CYFIP1: variants seen among roughly 807,000 people sequenced by gnomAD.
CYFIP1 encodes cytoplasmic FMR1 interacting protein 1, also known as cytoplasmic FMR1-interacting protein 1.
A neutral mutation model predicts 163.5 loss-of-function variants in CYFIP1; 58 were observed. The ratio of observed to expected loss-of-function variants is 0.35; its 90% CI spans 0.29 to 0.44. The LOEUF (loss-of-function observed/expected upper bound fraction) is 0.44. Ranked by LOEUF, CYFIP1 falls within the 20% of genes least tolerant of loss-of-function variation. CYFIP1 has a pLI of 1.00. For missense variants in CYFIP1, 1,338 were observed against 1,653.8 expected (o/e 0.81, Z 3.31); for synonymous variants, 663 against 660.7 (o/e 1.00, Z -0.05).
intron 29 of CYFIP1, 141 bp from the exon 30 acceptor site, chr15:22,873,113 G>A: frequency 1.1e-6 from 1 of 910,632 alleles, no homozygotes; most frequent in Non-Finnish European, 1.5e-6. Flanking sequence ...GCCAGGAAGA[G>A]AATGCCGGGC....
chr15:22,928,339 C>T (rs1398103092), intron 11 of CYFIP1, among the ~76,000 whole-genome samples: 1 of 152,036 alleles, frequency 6.6e-6, no homozygotes, highest in Non-Finnish European at 1.5e-5. Flanking sequence ...GCCGACACTG[C>T]GCCACTGCAC....
chr15:22,951,430 TG>T (rs2062245817), intron 1 of CYFIP1: 9 of 1,289,336 alleles, frequency 7.0e-6, no homozygotes, highest in Admixed American at 2.3e-5. Context: ...AGAGCCAGCA[TG>T]GGGGGCCTGC....
intron 11 of CYFIP1, among the ~76,000 whole-genome samples, chr15:22,928,341 C>A (rs572321508): frequency 1.3e-5 from 2 of 152,178 alleles, no homozygotes; most frequent in South Asian, 4.1e-4. Flanking sequence ...CGACACTGCG[C>A]CACTGCACTC....
chr15:22,908,645 C>T (rs2060672667), intron 21 of CYFIP1, among the ~76,000 whole-genome samples: 1 of 147,884 alleles, frequency 6.8e-6, no homozygotes, highest in Admixed American at 6.9e-5. Context: ...TCTCCTGCCT[C>T]AGCTTCCGGA....
In CYFIP1 at chr15:22,910,349, A is replaced by G. The variant is rs376342150; in HGVS notation, c.2268+171T>C. Among the ~76,000 whole-genome samples, 6 of 152,068 alleles carry G rather than the reference A, an allele frequency of 3.9e-5. No individual in the cohort carries two copies. In the East Asian group the frequency reaches 9.6e-4, roughly 24 times the overall value. ...GCTAATTTTTGTATTTTTAGTAGAG[A>G]TGGGGTTTTGCTATGTTGGCCAGGC... On this transcript the variant is annotated intron_variant, in intron 20 of 30. Transcript: ENST00000617928.
rs1397333387 is a variant in CYFIP1 at position 22,910,545 on chromosome 15, G to A, written c.2243C>T (p.Thr748Met). The A allele has an allele frequency of 2.5e-6, 4 of 1,613,900 alleles. No individual in the cohort carries two copies. Among genetic ancestry groups the A allele is most frequent in the Non-Finnish European group, 3.4e-6 (4 of 1,179,886 alleles). Residue 748 changes from threonine to methionine, a missense_variant, in exon 20 of 31, where the codon ACG becomes ATG. Around this residue, in one of 4 missense-constraint regions of CYFIP1, gnomAD observed 824 missense variants for 995.7 expected, o/e 0.83. Transcript: ENST00000617928. ...IHLPPSNRYETLLKQRHVQLL... is the reference protein window; with the variant it reads ...IHLPPSNRYEMLLKQRHVQLL... ...CTGCACATGCCTCTGCTTCAGCAGCGTCTCGTAGCGGTTAGACGGCGGGAG... is the reference window on the plus strand; with the variant it reads ...CTGCACATGCCTCTGCTTCAGCAGCATCTCGTAGCGGTTAGACGGCGGGAG...
intron 26 of CYFIP1, among the ~76,000 whole-genome samples, chr15:22,878,903 A>G (rs1357784037): frequency 2.6e-5 from 4 of 152,128 alleles, no homozygotes; most frequent in Admixed American, 2.0e-4. Context: ...TTGGGAGACC[A>G]AGGCGGGTGG....
chr15:22,928,721 C>T (rs1332337803), intron 11 of CYFIP1, among the ~76,000 whole-genome samples: 1 of 152,190 alleles, frequency 6.6e-6, no homozygotes, highest in Non-Finnish European at 1.5e-5. Flanking sequence ...AGGCAGGCTT[C>T]TTTGAATATA....
chr15:22,947,680 A>G (rs2062106766), intron 1 of CYFIP1, among the ~76,000 whole-genome samples: 1 of 152,100 alleles, frequency 6.6e-6, no homozygotes, highest in South Asian at 2.1e-4. Flanking sequence ...CTCCAATGCC[A>G]CATCTGCCCA....
At chr15:22,962,560 G>A (rs907763711) in intron 1 of CYFIP1, among the ~76,000 whole-genome samples, 6 of 151,706 alleles carry the variant, frequency 4.0e-5, no homozygotes, top group Admixed American at 3.3e-4. Flanking sequence ...CACCATGCCC[G>A]GCTAAATTTT....
chr15:22,925,650 A>G (rs1266667675), intron 13 of CYFIP1, among the ~76,000 whole-genome samples: 2 of 152,166 alleles, frequency 1.3e-5, no homozygotes, highest in Non-Finnish European at 2.9e-5. Context: ...AGGGGAGTGC[A>G]GCGCCTGCCT....
chr15:22,884,571 G>A (rs1272050116), intron 23 of CYFIP1, among the ~76,000 whole-genome samples: 1 of 152,188 alleles, frequency 6.6e-6, no homozygotes, highest in Non-Finnish European at 1.5e-5. Context: ...CCTCCTGGCT[G>A]TTTTCACAGG....
chr15:22,965,849 T>G (rs1192365239), intron 1 of CYFIP1, among the ~76,000 whole-genome samples: 1 of 152,160 alleles, frequency 6.6e-6, no homozygotes, highest in Non-Finnish European at 1.5e-5. Context: ...CAACAAGGGC[T>G]TGGCCCAGGG....
chr15:22,867,227 CTTT>C lies in CYFIP1; in HGVS notation c.*2798_*2800del. 4.9e-6 allele frequency: 2 copies of C among 404,618 alleles called. No homozygotes were observed. Among genetic ancestry groups the C allele is most frequent in the East Asian group, 3.5e-5 (1 of 28,260 alleles). The allele number at this position is 404,618 out of a possible 1,614,324, so 25.1% of individuals were successfully genotyped here. ...TCCATCAATCCCTGACCATGTAAGG[CTTT>C]TTTATTTTAAAAAAACAGAGTTATC... On this transcript the variant is annotated 3_prime_UTR_variant, in exon 31 of 31. Transcript: ENST00000617928.
intron 1 of CYFIP1, among the ~76,000 whole-genome samples, chr15:22,977,448 C>T (rs2063317634): frequency 1.3e-5 from 2 of 152,178 alleles, no homozygotes; most frequent in Non-Finnish European, 2.9e-5. Context: ...TTAATCCATG[C>T]TTTATCAATG....
chr15:22,916,180 C>G lies in CYFIP1; in HGVS notation c.1828+297G>C, dbSNP rs1233364523. Reference sequence around the variant, plus strand: ...CTAGTATTTATCAATGCCTGTGTCTCAACTCAGGCACCAGATTACATTCGC... The same window carrying G: ...CTAGTATTTATCAATGCCTGTGTCTGAACTCAGGCACCAGATTACATTCGC... On this transcript the variant is annotated intron_variant, in intron 16 of 30. Coordinates refer to ENST00000617928, the MANE Select transcript of CYFIP1 (RefSeq NM_014608.6). Among the ~76,000 whole-genome samples, 3 of 152,336 alleles carry G rather than the reference C, an allele frequency of 2.0e-5. No homozygotes were observed. The East Asian group carries it at 5.8e-4, about 29-fold the overall frequency.
At chr15:22,948,079 G>A (rs2062120612) in intron 1 of CYFIP1, 2 of 794,940 alleles carry the variant, frequency 2.5e-6, no homozygotes, top group Non-Finnish European at 3.0e-6. Context: ...TGAACAGAAG[G>A]AGCCCCAAAT....
chr15:22,943,457 G>C (rs369360259), intron 5 of CYFIP1, 103 bp from the exon 6 acceptor site: 6 of 1,283,550 alleles, frequency 4.7e-6, no homozygotes, highest in South Asian at 1.4e-5. Flanking sequence ...GATGAGAAAC[G>C]ATCTGCCCAG....
At chr15:22,932,088 T>C (rs2061556751) in intron 11 of CYFIP1, 135 bp downstream of exon 11, 3 of 634,272 alleles carry the variant, frequency 4.7e-6, no homozygotes, top group Non-Finnish European at 8.1e-6. Context: ...TGTCAGAACC[T>C]GTCCCTGTCA....
Sources: gnomAD v4.1 joint callset for allele counts (sites outside exome capture counted in the v4.1 genomes callset) on GRCh38, gnomAD v4.1.1 for gene constraint, gnomAD v4.1.1 regional missense constraint, MANE v1.5 for transcripts, NCBI Gene and HGNC (gene_info 2026-07-23, HGNC 2026-07-21) for gene names.